Variants in BRME1 observed in about 807,000 individuals in gnomAD.
BRME1 encodes break repair meiotic recombinase recruitment factor 1.
Under a neutral mutation model 52.6 loss-of-function variants are expected in BRME1, and 31 were observed. The ratio of observed to expected loss-of-function variants is 0.59; its 90% confidence interval spans 0.44 to 0.80. The LOEUF (loss-of-function observed/expected upper bound fraction) is 0.80. Among genes scored for constraint, BRME1 ranks in the 30% least tolerant of loss-of-function variants. The pLI, the probability that BRME1 is intolerant of heterozygous loss-of-function variation, is 0.00. For missense variants in BRME1, 804 were observed against 860.3 expected, an observed-to-expected ratio of 0.93 and a Z score of 0.82; for synonymous variants, 359 against 353.6, an observed-to-expected ratio of 1.02 and a Z score of -0.17.
In BRME1 at chr19:13,886,012, G is replaced by C; in HGVS notation, c.1712C>G (p.Pro571Arg). Residue 571 changes from proline to arginine, a missense_variant, in exon 7 of 9, where the codon CCC becomes CGC. Around this residue, in one of 3 missense-constraint regions of BRME1, gnomAD observed 552 missense variants for 561.1 expected, o/e 0.98. Coordinates refer to ENST00000586783, the MANE Select transcript of BRME1 (RefSeq NM_001345843.2). ...AGGGTCTCCATTGGCATGTGAGCTGGGGCCCGGCCAGCAAGGGCCCGGCTT... is the reference window on the plus strand; with the variant it reads ...AGGGTCTCCATTGGCATGTGAGCTGCGGCCCGGCCAGCAAGGGCCCGGCTT... ...GNKPGPCWPGPSSHANGDPVA... is the reference protein window; with the variant it reads ...GNKPGPCWPGRSSHANGDPVA... The C allele has an allele frequency of 6.2e-7, 1 of 1,614,034 alleles. No individual in the cohort carries two copies. Among genetic ancestry groups the C allele is most frequent in the Non-Finnish European group, 8.5e-7 (1 of 1,180,020 alleles).
chr19:13,884,245 TGGGA>T (rs1276095089), intron 7 of BRME1, among the ~76,000 whole-genome samples: 2 of 151,974 alleles, frequency 1.3e-5, no homozygotes, highest in Non-Finnish European at 2.9e-5. Flanking sequence ...GAGGATGAAG[TGGGA>T]GGATCAGTTG....
At chr19:13,898,015 C>T (rs1970027498) in intron 2 of BRME1, among the ~76,000 whole-genome samples, 1 of 149,766 alleles carries the variant, frequency 6.7e-6, no homozygotes, top group Non-Finnish European at 1.5e-5. Context: ...AGGAGAATCG[C>T]TTGAATCCGG....
chr19:13,887,185 C>T (rs965264495), intron 6 of BRME1, among the ~76,000 whole-genome samples: 1 of 152,210 alleles, frequency 6.6e-6, no homozygotes, highest in East Asian at 1.9e-4. Flanking sequence ...TGAGACGGCC[C>T]GCTCGATCCA....
chr19:13,890,006 G>T lies in BRME1; in HGVS notation c.850C>A (p.Pro284Thr). The change falls in exon 6 of 9, where the codon CCT (proline) becomes ACT (threonine). Residue 284 changes from proline (P) to threonine (T), a missense_variant. By Grantham distance (38) the Pro-to-Thr change is conservative. Around this residue, in one of 3 missense-constraint regions of BRME1, gnomAD observed 552 missense variants for 561.1 expected, o/e 0.98. Transcript: ENST00000586783. ...AGTCCTGGAGCAGGGCCTGAGGTAG[G>T]AGCTGATGCTGGGGTACAGGGGACA... ...DGVPCTPASAPTSGPAPGLGP... is the reference protein window; with the variant it reads ...DGVPCTPASATTSGPAPGLGP... 6.2e-7 allele frequency: 1 copy of T among 1,613,208 alleles called. No individual in the cohort carries two copies.
intron 6 of BRME1, among the ~76,000 whole-genome samples, 158 bp downstream of exon 6, chr19:13,889,030 G>C (rs188196241): frequency 6.6e-6 from 1 of 152,302 alleles, no homozygotes; most frequent in East Asian, 1.9e-4. Context: ...TCCACACCCA[G>C]TAGAGCTGCA....
At position 13,899,578 on chromosome 19, in the gene BRME1, T is replaced by C. The variant is rs150569733; in HGVS notation, c.32-4032A>G. ...TTGTCCTCTGACTACAGCTGGAGGA[T>C]CTCCAGGGCAGGAACTGAGTGCAAT... On this transcript the variant is annotated intron_variant, in intron 2 of 8. Coordinates refer to ENST00000586783, the MANE Select transcript of BRME1 (RefSeq NM_001345843.2). Among the ~76,000 whole-genome samples the C allele has an allele frequency of 2.1e-3, 321 of 152,190 alleles. 1 individual carries two copies. The highest frequency in any genetic ancestry group is 0.014 in the Middle Eastern group (4 of 294).
At chr19:13,893,120 C>G (rs201788029) in intron 4 of BRME1, 22 bp downstream of exon 4, 1 of 1,583,618 alleles carries the variant, frequency 6.3e-7, no homozygotes, top group Admixed American at 1.8e-5. Context: ...TCTATATCCA[C>G]GAGGCCACAG....
Position 13,889,316 on chromosome 19 carries a change from C to T in BRME1, c.1540G>A (p.Asp514Asn), listed in dbSNP as rs573407614. 31 of 1,614,162 alleles carry T rather than the reference C, an allele frequency of 1.9e-5. No individual in the cohort carries two copies. The South Asian group carries it at 3.3e-4, about 17-fold the overall frequency. ...TGGTCTGCAGAATGAGGCAGGTGGT[C>T]TCGCTGCCCTGCCAGCTCTGAGGTG... Reference protein sequence around the residue: ...DTTSELAGQRDHLPHSADQGT... With the variant: ...DTTSELAGQRNHLPHSADQGT... Residue 514 changes from aspartate (D) to asparagine (N), a missense_variant, in exon 6 of 9, where the codon GAC (aspartate) becomes AAC (asparagine). Transcript: ENST00000586783.
Position 13,890,148 on chromosome 19 carries a change from G to A in BRME1, c.708C>T (p.His236=). 1 of 1,614,178 alleles carries A rather than the reference G, an allele frequency of 6.2e-7. No homozygotes were observed. Among genetic ancestry groups the A allele is most frequent in the Non-Finnish European group, 8.5e-7 (1 of 1,180,046 alleles). The change falls in exon 6 of 9, where the codon CAC becomes CAT. Residue 236 remains histidine (H), a synonymous_variant. Transcript: ENST00000586783. ...CCCCTTCAGAATCAATGCTTGGTAG[G>A]TGTTCCTTTTGGCCACCGTCACCTG... ...RVPGDGGQKE[H]LPSIDSEGEK...
chr19:13,890,465 G>A lies in BRME1; in HGVS notation c.394-3C>T, dbSNP rs921622831. Reference sequence around the variant, plus strand: ...GCGCTGGACTCTGCGATTGTTTCCTGTGGACAGAAAAAGACTCAGCCCCGG... The same window carrying A: ...GCGCTGGACTCTGCGATTGTTTCCTATGGACAGAAAAAGACTCAGCCCCGG... On this transcript the variant is annotated splice_polypyrimidine_tract_variant and splice_region_variant and intron_variant, in intron 5 of 8. Coordinates refer to ENST00000586783, the MANE Select transcript of BRME1 (RefSeq NM_001345843.2). 33 of 1,485,878 alleles carry A rather than the reference G, an allele frequency of 2.2e-5. No individual in the cohort carries two copies. Among genetic ancestry groups the A allele is most frequent in the Non-Finnish European group, 2.7e-5 (30 of 1,124,200 alleles). 92.0% of individuals were successfully genotyped at this position (1,485,878 alleles called of 1,614,324 possible).
chr19:13,889,905 C>CCTGCTGGGGGT lies in BRME1; in HGVS notation c.940_950dup (p.Met318ProfsTer29). 3 of 1,612,996 alleles carry CCTGCTGGGGGT rather than the reference C, an allele frequency of 1.9e-6. No homozygotes were observed. The highest frequency in any genetic ancestry group is 1.7e-6 in the Non-Finnish European group (2 of 1,179,980). ...GAGTCCCTTCCCCTTCCCTACCCATCCTGCTGGGGGTCTGCTGGGGGTCAG... is the reference window on the plus strand; with the variant it reads ...GAGTCCCTTCCCCTTCCCTACCCATCCTGCTGGGGGTCTGCTGGGGGTCTGCTGGGGGTCAG... On this transcript the variant is annotated frameshift_variant, in exon 6 of 9. Transcript: ENST00000586783. LOFTEE classifies it high-confidence loss of function.
intron 5 of BRME1, among the ~76,000 whole-genome samples, chr19:13,890,689 ACCC>A (rs1484373069): frequency 6.6e-6 from 1 of 151,876 alleles, no homozygotes; most frequent in Non-Finnish European, 1.5e-5. Context: ...AAATGGTGAA[ACCC>A]CATCTCTACT....
intron 2 of BRME1, among the ~76,000 whole-genome samples, chr19:13,903,496 A>G (rs560129566): frequency 7.2e-5 from 11 of 152,126 alleles, no homozygotes; most frequent in African/African-American, 2.7e-4. Flanking sequence ...AACATTGTGA[A>G]ACCCTATCCC....
chr19:13,884,354 G>C (rs948077453), intron 7 of BRME1, among the ~76,000 whole-genome samples: 8 of 151,762 alleles, frequency 5.3e-5, no homozygotes, highest in African/African-American at 1.7e-4. Context: ...CGCCAGGCAC[G>C]ATGGCTCATG....
rs1159325305 is a variant in BRME1 at position 13,898,923 on chromosome 19, CAAAAAAAAAAA to C, written c.32-3388_32-3378del. On this transcript the variant is annotated intron_variant, in intron 2 of 8. Coordinates refer to ENST00000586783, the MANE Select transcript of BRME1 (RefSeq NM_001345843.2). ...GGGCAACAAGAGTGAAACTCCATCT[CAAAAAAAAAAA>C]AAAAAAAAAAAGAATAACACTATCC... is the stretch of plus-strand genomic sequence containing the variant. 1.2e-4 allele frequency among the ~76,000 whole-genome samples: 8 copies of C among 67,722 alleles called. 1 individual carries two copies. In the South Asian group the frequency reaches 3.8e-3, roughly 32 times the overall value. The allele number at this position is 67,722 out of a possible 152,430, so 44.4% of individuals were successfully genotyped here.
chr19:13,905,643 G>A (rs910428375), intron 1 of BRME1, 72 bp downstream of exon 1: 1 of 152,302 alleles, frequency 6.6e-6, no homozygotes, highest in Non-Finnish European at 1.5e-5. Context: ...GGACAGCTGG[G>A]TCCTTGGAGG....
chr19:13,883,246 T>C lies in BRME1; in HGVS notation c.1856+62A>G. ...GCTTCACACTTCAGTCCCTCCCTGC[T>C]CCTCTGAGTCCCCACTGGCCTCCCG... is the stretch of plus-strand genomic sequence containing the variant. On this transcript the variant is annotated intron_variant, in intron 8 of 8. Coordinates refer to ENST00000586783, the MANE Select transcript of BRME1 (RefSeq NM_001345843.2). This position sits in a 1 kb window ranked among gnomAD's most constrained non-coding sequence, Gnocchi z 4.2. 7.1e-7 allele frequency: 1 copy of C among 1,415,318 alleles called. No homozygotes were observed. Among genetic ancestry groups the C allele is most frequent in the Non-Finnish European group, 9.6e-7 (1 of 1,040,602 alleles). The allele number at this position is 1,415,318 out of a possible 1,614,324, so 87.7% of individuals were successfully genotyped here. A position where few individuals can be genotyped will look rare whatever the true frequency, so the allele number is the denominator to read the frequency against.
rs541907886 is a variant in BRME1 at position 13,888,158 on chromosome 19, G to A, written c.1668+1030C>T. On this transcript the variant is annotated intron_variant, in intron 6 of 8. Transcript: ENST00000586783. This position sits in a 1 kb window ranked among gnomAD's most constrained non-coding sequence, Gnocchi z 4.1. ...AGGCTGGTCCTGCTCTCCTGCCTCG[G>A]TCTCCCAAAGTCCTGAGATTACAGG... Among the ~76,000 whole-genome samples, 4 of 151,854 alleles carry A rather than the reference G, an allele frequency of 2.6e-5. No individual in the cohort carries two copies. Among genetic ancestry groups the A allele is most frequent in the Non-Finnish European group, 1.5e-5 (1 of 67,974 alleles).
At chr19:13,893,574 T>G (rs527923189) in intron 3 of BRME1, among the ~76,000 whole-genome samples, 1 of 152,018 alleles carries the variant, frequency 6.6e-6, no homozygotes, top group Admixed American at 6.6e-5. Flanking sequence ...TCCTCCTAGG[T>G]TGTCACTCAC....
Sources: gnomAD v4.1 joint callset for allele counts (sites outside exome capture counted in the v4.1 genomes callset) on GRCh38, gnomAD v4.1.1 for gene constraint, gnomAD v4.1.1 regional missense constraint, Gnocchi (gnomAD v3.1) non-coding constraint, MANE v1.5 for transcripts, NCBI Gene and HGNC (gene_info 2026-07-23, HGNC 2026-07-21) for gene names.